The following LIMS1 variants were observed in gnomAD, a reference collection of about 807,000 sequenced individuals.
LIMS1 encodes the protein LIM zinc finger domain containing 1.
A neutral mutation model predicts 44.1 loss-of-function variants in LIMS1; 18 were observed. That is an observed-to-expected ratio of 0.41 (90% CI 0.28 to 0.61). LIMS1 has a LOEUF of 0.61. Ranked by LOEUF, LIMS1 falls within the 20% of genes least tolerant of loss-of-function variation. The probability of loss-of-function intolerance (pLI) is 0.32; values close to 1 mark genes in which losing one functional copy is unlikely to be tolerated. For synonymous variants in LIMS1, 93 were observed against 149.1 expected, an observed-to-expected ratio of 0.62 and a Z score of 2.74; for missense variants, 201 against 422.0, an observed-to-expected ratio of 0.48 and a Z score of 4.59.
chr2:108,562,420 CT>C (rs113880521), intron 1 of LIMS1, among the ~76,000 whole-genome samples: 26 of 152,248 alleles, frequency 1.7e-4, no homozygotes, highest in African/African-American at 5.1e-4. Flanking sequence ...AGGAAAAGTT[CT>C]TGAAAAAGTG....
At chr2:108,597,014 T>A (rs1686740387) in intron 1 of LIMS1, among the ~76,000 whole-genome samples, 1 of 148,056 alleles carries the variant, frequency 6.8e-6, no homozygotes, top group Non-Finnish European at 1.5e-5. Flanking sequence ...GTTCAAACGA[T>A]TCTCCTGCCT....
At chr2:108,678,895 G>A (rs2912866) in intron 8 of LIMS1, among the ~76,000 whole-genome samples, 17 of 152,284 alleles carry the variant, frequency 1.1e-4, no homozygotes, top group Non-Finnish European at 1.8e-4. Context: ...AAACAACATG[G>A]TGCATGGACA....
chr2:108,680,709 A>C (rs773778450), exon 9 of LIMS1: 5 of 1,610,374 alleles, frequency 3.1e-6, no homozygotes, highest in African/African-American at 1.3e-5. Flanking sequence ...CTCTGCTCTT[A>C]ATAAGGCCTG....
At chr2:108,686,319 A>G (rs1470837625) in exon 10 of LIMS1, 1 of 151,780 alleles carries the variant, frequency 6.6e-6, no homozygotes, top group African/African-American at 2.4e-5. Flanking sequence ...ACTCTGTCTC[A>G]AAAAAAATAA....
At chr2:108,618,904 A>G (rs1009745573) in intron 1 of LIMS1, among the ~76,000 whole-genome samples, 1 of 151,652 alleles carries the variant, frequency 6.6e-6, no homozygotes, top group Non-Finnish European at 1.5e-5. Context: ...CAGCTGTGGC[A>G]GTTTCATCAG....
At chr2:108,606,855 G>A (rs945234803) in intron 1 of LIMS1, among the ~76,000 whole-genome samples, 1 of 152,192 alleles carries the variant, frequency 6.6e-6, no homozygotes, top group Non-Finnish European at 1.5e-5. Context: ...ACAAGAGTGT[G>A]CTGAGTCTAG....
At chr2:108,647,839 A>G (rs1352511888) in intron 1 of LIMS1, among the ~76,000 whole-genome samples, 2 of 152,234 alleles carry the variant, frequency 1.3e-5, no homozygotes. Flanking sequence ...TATTTATGGC[A>G]AACCCACAGC....
chr2:108,674,123 C>G (rs1246816373), intron 5 of LIMS1, among the ~76,000 whole-genome samples: 1 of 151,446 alleles, frequency 6.6e-6, no homozygotes, highest in Non-Finnish European at 1.5e-5. Flanking sequence ...GTCAGGAGAT[C>G]AAGACCATCC....
intron 2 of LIMS1, among the ~76,000 whole-genome samples, chr2:108,668,138 A>G (rs567800106): frequency 6.6e-6 from 1 of 152,324 alleles, no homozygotes; most frequent in African/African-American, 2.4e-5. Context: ...TACATTGTGT[A>G]AAAATCAAAT....
chr2:108,598,976 A>G lies in LIMS1; in HGVS notation c.33-60629A>G, dbSNP rs988400207. Among the ~76,000 whole-genome samples, 3 of 152,056 alleles carry G rather than the reference A, an allele frequency of 2.0e-5. 1 individual carries two copies. The highest frequency in any genetic ancestry group is 4.4e-5 in the Non-Finnish European group (3 of 68,018). ...ATCTACCTCCTGTTTCTGTTTAATT[A>G]TTTTATTGGGGGGGTGATATTTATC... On this transcript the variant is annotated intron_variant, in intron 1 of 9. Transcript: ENST00000544547.
chr2:108,640,792 A>G (rs1393029554), intron 1 of LIMS1, among the ~76,000 whole-genome samples: 1 of 152,198 alleles, frequency 6.6e-6, no homozygotes, highest in Non-Finnish European at 1.5e-5. Context: ...TGAGTTTAGA[A>G]CTTTCACAAT....
chr2:108,553,163 C>G (rs1263098864), intron 1 of LIMS1, among the ~76,000 whole-genome samples: 1 of 152,190 alleles, frequency 6.6e-6, no homozygotes, highest in East Asian at 1.9e-4. Flanking sequence ...GCATGGTCTT[C>G]CATGCTCTCT....
chr2:108,680,365 CAAAAAAAAAAAA>C (rs35982119), intron 8 of LIMS1, among the ~76,000 whole-genome samples: 1 of 68,248 alleles, frequency 1.5e-5, no homozygotes, highest in Non-Finnish European at 2.7e-5. Context: ...GATTCCGTCT[CAAAAAAAAAAAA>C]AAAAAAAAAA....
At chr2:108,548,020 T>G (rs1237536877) in intron 1 of LIMS1, among the ~76,000 whole-genome samples, 2 of 152,180 alleles carry the variant, frequency 1.3e-5, no homozygotes, top group Non-Finnish European at 2.9e-5. Context: ...GGTTTTCTCT[T>G]TTTAAAAATG....
At chr2:108,566,453 C>T (rs2104621691) in intron 1 of LIMS1, among the ~76,000 whole-genome samples, 1 of 152,280 alleles carries the variant, frequency 6.6e-6, no homozygotes, top group South Asian at 2.1e-4. Flanking sequence ...GAAACTGATT[C>T]TCAGAGGGTA....
intron 1 of LIMS1, chr2:108,621,270 G>C (rs967873261): frequency 6.5e-7 from 1 of 1,528,918 alleles, no homozygotes; most frequent in Admixed American, 2.0e-5. Flanking sequence ...GAGGTCCCTC[G>C]GCAAGGGACG....
intron 1 of LIMS1, among the ~76,000 whole-genome samples, chr2:108,571,039 T>TA (rs1185774037): frequency 6.6e-6 from 1 of 152,246 alleles, no homozygotes; most frequent in Non-Finnish European, 1.5e-5. Flanking sequence ...ACAGAAATCT[T>TA]ATTTGTATCT....
intron 1 of LIMS1, among the ~76,000 whole-genome samples, chr2:108,641,484 A>G (rs1452628433): frequency 2.0e-5 from 3 of 152,200 alleles, no homozygotes; most frequent in African/African-American, 4.8e-5. Context: ...TTGATGGTGC[A>G]TAGGGAGAGA....
intron 1 of LIMS1, among the ~76,000 whole-genome samples, chr2:108,577,995 C>T (rs1205520742): frequency 1.3e-5 from 2 of 152,176 alleles, no homozygotes; most frequent in Middle Eastern, 3.2e-3. Flanking sequence ...CTGCAACCTT[C>T]ACCTCCCAGG....
Sources: allele counts gnomAD v4.1 joint callset (sites outside exome capture counted in the v4.1 genomes callset), GRCh38; gene constraint gnomAD v4.1.1; transcripts MANE v1.5; gene names NCBI Gene and HGNC (gene_info 2026-07-23, HGNC 2026-07-21).